RLIM: variants seen among roughly 807,000 people sequenced by gnomAD.
RLIM encodes the protein E3 ubiquitin-protein ligase RLIM.
RLIM carries 2 observed loss-of-function variants against 34.0 expected under a neutral mutation model. That is an observed-to-expected ratio of 0.06 (90% CI 0.02 to 0.19). The LOEUF is 0.19. RLIM is among the 10% of genes least tolerant of loss of function. The pLI is 1.00. For missense variants in RLIM, 286 were observed against 479.7 expected (o/e 0.60, Z 3.77); for synonymous variants, 169 against 164.0 (o/e 1.03, Z -0.23).
Position 74,614,418 on chromosome X carries a change from T to C in RLIM, c.-24+4A>G, listed in dbSNP as rs2079728646. On this transcript the variant is annotated splice_donor_region_variant and intron_variant, in intron 1 of 3. Coordinates refer to ENST00000332687, the MANE Select transcript of RLIM (RefSeq NM_016120.4). ...TCTCACAGGATTCCCAAGTCTTCAC[T>C]TACTAGGTTTTAGGGTCAGGATCCG... The C allele has an allele frequency of 8.9e-6, 1 of 112,133 alleles. No homozygotes were observed. The highest frequency in any genetic ancestry group is 1.9e-5 in the Non-Finnish European group (1 of 53,206). The allele number at this position is 112,133 out of a possible 1,213,427, so 9.2% of individuals were successfully genotyped here. A position where few individuals can be genotyped will look rare whatever the true frequency, so the allele number is the denominator to read the frequency against.
intron 1 of RLIM, among the ~76,000 whole-genome samples, chrX:74,597,085 G>A (rs1168503973): frequency 1.8e-5 from 2 of 112,069 alleles, no homozygotes; most frequent in Admixed American, 9.5e-5. Flanking sequence ...AAAATTTAAA[G>A]TGAAATCTCA....
In RLIM at chrX:74,590,864, G is replaced by A. The variant is rs2079609675; in HGVS notation, c.*576C>T. 1 of 113,587 alleles carries A rather than the reference G, an allele frequency of 8.8e-6. No homozygotes were observed. The allele number at this position is 113,587 out of a possible 1,213,427, so 9.4% of individuals were successfully genotyped here. ...TAAGCTCACTCTACAGTGTGCCACA[G>A]TGATGGGCTTAGGAGACAGTTATAC... On this transcript the variant is annotated 3_prime_UTR_variant, in exon 4 of 4. Transcript: ENST00000332687.
At position 74,590,150 on chromosome X, in the gene RLIM, T is replaced by C. The variant is rs779548303; in HGVS notation, c.*1290A>G. The C allele has an allele frequency of 8.9e-6, 1 of 112,090 alleles. No individual in the cohort carries two copies. The highest frequency in any genetic ancestry group is 3.2e-5 in the African/African-American group (1 of 30,898). 9.2% of individuals were successfully genotyped at this position (112,090 alleles called of 1,213,427 possible). A position where few individuals can be genotyped will look rare whatever the true frequency, so the allele number is the denominator to read the frequency against. ...CGAGACTTTCCTATTAACACACACA[T>C]GTGTACCAACTGCAATTCATATGCT... On this transcript the variant is annotated 3_prime_UTR_variant, in exon 4 of 4. Transcript: ENST00000332687.
chrX:74,591,999 C>A lies in RLIM; in HGVS notation c.1316G>T (p.Arg439Met), dbSNP rs2079618362. The A allele has an allele frequency of 8.3e-7, 1 of 1,209,894 alleles. No homozygotes were observed. Among genetic ancestry groups the A allele is most frequent in the Non-Finnish European group, 1.1e-6 (1 of 895,235 alleles). ...TGSVSNRNME[R>M]AESRSGRGGS... ...TCCTCTTCCACTCCGTGACTCTGCC[C>A]TTTCCATATTTCGATTTGAGACTGA... Residue 439 changes from arginine to methionine, a missense_variant, in exon 4 of 4, where the codon AGG becomes ATG. Transcript: ENST00000332687.
chrX:74,611,367 C>T (rs1439070485), intron 1 of RLIM, among the ~76,000 whole-genome samples: 1 of 112,115 alleles, frequency 8.9e-6, no homozygotes. Context: ...TATATTAAGG[C>T]TCACTACATG....
intron 1 of RLIM, among the ~76,000 whole-genome samples, chrX:74,609,746 A>G (rs755942913): frequency 9.0e-6 from 1 of 110,741 alleles, no homozygotes; most frequent in Non-Finnish European, 1.9e-5. Context: ...TTCACTCTCA[A>G]AAGTGTCCCA....
Position 74,594,289 on chromosome X carries a change from C to T in RLIM, c.253+17G>A. 1 of 1,179,111 alleles carries T rather than the reference C, an allele frequency of 8.5e-7. No individual in the cohort carries two copies. The highest frequency in any genetic ancestry group is 1.1e-6 in the Non-Finnish European group (1 of 876,707). On this transcript the variant is annotated intron_variant, in intron 3 of 3. Coordinates refer to ENST00000332687, the MANE Select transcript of RLIM (RefSeq NM_016120.4). ...ATCCCATCGTCTATCCACCTCCCCA[C>T]CAAAACCAAAACATACCTCTATTTT...
chrX:74,610,462 A>C (rs753093715), intron 1 of RLIM, among the ~76,000 whole-genome samples: 46 of 100,197 alleles, frequency 4.6e-4, no homozygotes, highest in East Asian at 1.2e-3. Context: ...AACAAACAAA[A>C]AAAACCAAAA....
intron 1 of RLIM, among the ~76,000 whole-genome samples, chrX:74,610,458 CAAAA>C (rs201437031): frequency 4.9e-5 from 4 of 81,412 alleles, no homozygotes; most frequent in Non-Finnish European, 6.9e-5. Flanking sequence ...AACAAACAAA[CAAAA>C]AAAACCAAAA....
At position 74,586,420 on chromosome X, in the gene RLIM, C is replaced by A. The variant is rs1355290519; in HGVS notation, c.*5020G>T. The A allele has an allele frequency of 2.7e-5, 3 of 112,267 alleles. No homozygotes were observed. The highest frequency in any genetic ancestry group is 3.8e-5 in the Non-Finnish European group (2 of 53,332). 9.3% of individuals were successfully genotyped at this position (112,267 alleles called of 1,213,427 possible). ...TTAAGATATCTACTACTCAGCCCAA[C>A]TGACCATAAAGCAGCTCGTGGAACT... On this transcript the variant is annotated 3_prime_UTR_variant, in exon 4 of 4. Transcript: ENST00000332687.
intron 1 of RLIM, among the ~76,000 whole-genome samples, chrX:74,610,899 A>C (rs1342552254): frequency 9.0e-6 from 1 of 111,351 alleles, no homozygotes; most frequent in African/African-American, 3.3e-5. Context: ...CAAAAAAATA[A>C]AAAAATAAAA....
chrX:74,597,833 C>T (rs1030505754), intron 1 of RLIM, among the ~76,000 whole-genome samples: 1 of 111,796 alleles, frequency 8.9e-6, no homozygotes, highest in African/African-American at 3.2e-5. Context: ...TACAACACAA[C>T]ATTTGATGGG....
At chrX:74,604,603 C>T (rs976772158) in intron 1 of RLIM, among the ~76,000 whole-genome samples, 5 of 111,571 alleles carry the variant, frequency 4.5e-5, no homozygotes, top group Non-Finnish European at 7.5e-5. Flanking sequence ...ATAAGTCTTT[C>T]CTATGCTCAT....
chrX:74,613,011 C>G (rs919135065), intron 1 of RLIM, among the ~76,000 whole-genome samples: 3 of 110,973 alleles, frequency 2.7e-5, no homozygotes, highest in Non-Finnish European at 3.8e-5. Context: ...CTAAAAAAAT[C>G]TTTGTAACAT....
At position 74,591,618 on chromosome X, in the gene RLIM, G is replaced by C; in HGVS notation, c.1697C>G (p.Ala566Gly). 1 of 1,211,562 alleles carries C rather than the reference G, an allele frequency of 8.3e-7. No homozygotes were observed. Among genetic ancestry groups the C allele is most frequent in the Non-Finnish European group, 1.1e-6 (1 of 895,428 alleles). ...AATGCAAACACTACAGGTTTTTAATGCATCATTTTCACCAAAACTTCTCAT... is the reference window on the plus strand; with the variant it reads ...AATGCAAACACTACAGGTTTTTAATCCATCATTTTCACCAAAACTTCTCAT... Reference protein sequence around the residue: ...LAMRSFGENDALKTCSVCITE... With the variant: ...LAMRSFGENDGLKTCSVCITE... Residue 566 changes from alanine (A) to glycine (G), a missense_variant, in exon 4 of 4, where the codon GCA (alanine) becomes GGA (glycine). This residue lies in a region of RLIM where 14 missense variants were observed against 63.2 expected (regional missense o/e 0.22). Transcript: ENST00000332687.
chrX:74,613,212 G>A (rs1007165669), intron 1 of RLIM, among the ~76,000 whole-genome samples: 2 of 111,028 alleles, frequency 1.8e-5, no homozygotes, highest in Non-Finnish European at 3.8e-5. Flanking sequence ...TAATCACGAA[G>A]AATGAAAGAA....
At position 74,583,495 on chromosome X, in the gene RLIM, C is replaced by G. The variant is rs1208460826; in HGVS notation, c.*7945G>C. 1 of 620,673 alleles carries G rather than the reference C, an allele frequency of 1.6e-6. No homozygotes were observed. The highest frequency in any genetic ancestry group is 2.8e-6 in the Non-Finnish European group (1 of 357,754). The allele number at this position is 620,673 out of a possible 1,213,427, so 51.2% of individuals were successfully genotyped here. A position where few individuals can be genotyped will look rare whatever the true frequency, so the allele number is the denominator to read the frequency against. ...GGAACGGTGCGGACAGCAGGAGTAG[C>G]TGCAGCAGCTGTAGCTGCAAGACGT... On this transcript the variant is annotated 3_prime_UTR_variant, in exon 4 of 4. Coordinates refer to ENST00000332687, the MANE Select transcript of RLIM (RefSeq NM_016120.4).
rs2079587055 is a variant in RLIM at position 74,586,359 on chromosome X, C to T, written c.*5081G>A. ...TTACAGAGGAACCTTGAAAGAGGCA[C>T]CATGATATGACAGGGTTCACTTTCA... On this transcript the variant is annotated 3_prime_UTR_variant, in exon 4 of 4. Coordinates refer to ENST00000332687, the MANE Select transcript of RLIM (RefSeq NM_016120.4). 1 of 112,083 alleles carries T rather than the reference C, an allele frequency of 8.9e-6. No individual in the cohort carries two copies. Among genetic ancestry groups the T allele is most frequent in the African/African-American group, 3.2e-5 (1 of 30,805 alleles). 9.2% of individuals were successfully genotyped at this position (112,083 alleles called of 1,213,427 possible).
Position 74,608,124 on chromosome X carries a change from T to C in RLIM, c.-24+6298A>G, listed in dbSNP as rs772945830. ...AAGAGATACTGAAATCCAGTCTTGG[T>C]TGTAACTTGGTTATGTGGATTTGGC... On this transcript the variant is annotated intron_variant, in intron 1 of 3. Transcript: ENST00000332687. 3.6e-5 allele frequency among the ~76,000 whole-genome samples: 4 copies of C among 111,972 alleles called. No individual in the cohort carries two copies. In the South Asian group the frequency reaches 1.5e-3, roughly 41 times the overall value.
Sources: gnomAD v4.1 joint callset for allele counts (sites outside exome capture counted in the v4.1 genomes callset) on GRCh38, gnomAD v4.1.1 for gene constraint, gnomAD v4.1.1 regional missense constraint, MANE v1.5 for transcripts, NCBI Gene and HGNC (gene_info 2026-07-23, HGNC 2026-07-21) for gene names.